Variants in B3GALNT2 observed in about 807,000 individuals in gnomAD.
The protein encoded by B3GALNT2 is beta-1,3-N-acetylgalactosaminyltransferase 2.
A neutral mutation model predicts 61.1 loss-of-function variants in B3GALNT2; 53 were observed. That is an observed-to-expected ratio of 0.87 (90% confidence interval 0.70 to 1.09). The LOEUF (loss-of-function observed/expected upper bound fraction) is 1.09. Among genes scored for constraint, B3GALNT2 ranks in the 50% least tolerant of loss-of-function variants. The pLI is 0.00. For missense variants in B3GALNT2, 544 were observed against 623.0 expected, an observed-to-expected ratio of 0.87 and a Z score of 1.35; for synonymous variants, 223 against 237.4, an observed-to-expected ratio of 0.94 and a Z score of 0.56.
At position 235,478,660 on chromosome 1, in the gene B3GALNT2, A is replaced by C. The variant is rs558700253; in HGVS notation, c.651+1394T>G. Among the ~76,000 whole-genome samples the C allele has an allele frequency of 1.7e-3, 258 of 152,342 alleles. 6 individuals are homozygous for C. Among genetic ancestry groups the C allele is most frequent in the African/African-American group, 4.5e-3 (185 of 41,572 alleles). Reference sequence around the variant, plus strand: ...AACACCGAAAAATTGAAACTCTATCAACACCCAAATACAGAGTTAAATGAC... The same window carrying C: ...AACACCGAAAAATTGAAACTCTATCCACACCCAAATACAGAGTTAAATGAC... On this transcript the variant is annotated intron_variant, in intron 5 of 11. Coordinates refer to ENST00000366600, the MANE Select transcript of B3GALNT2 (RefSeq NM_152490.5).
At chr1:235,468,830 G>A (rs1213983709) in intron 6 of B3GALNT2, among the ~76,000 whole-genome samples, 1 of 152,128 alleles carries the variant, frequency 6.6e-6, no homozygotes, top group African/African-American at 2.4e-5. Flanking sequence ...AATAGAAAAG[G>A]AGGCAAGATA....
At chr1:235,497,990 A>G (rs192196305) in intron 1 of B3GALNT2, among the ~76,000 whole-genome samples, 34 of 152,170 alleles carry the variant, frequency 2.2e-4, no homozygotes, top group African/African-American at 8.0e-4. Context: ...TTTACTTTAC[A>G]TGCATTTCTC....
rs1682802846 is a variant in B3GALNT2 at position 235,450,138 on chromosome 1, T to G, written c.*68A>C. On this transcript the variant is annotated 3_prime_UTR_variant, in exon 12 of 12. Coordinates refer to ENST00000366600, the MANE Select transcript of B3GALNT2 (RefSeq NM_152490.5). The stretch of plus-strand genomic sequence containing the variant: ...ACAGTCTACTGCTAAACCCTGGGAC[T>G]CCTCAGACTTGCACTCAGATTATCG... The G allele has an allele frequency of 1.0e-5, 16 of 1,574,656 alleles. No individual in the cohort carries two copies. The South Asian group carries it at 1.1e-4, about 11-fold the overall frequency.
intron 1 of B3GALNT2, among the ~76,000 whole-genome samples, chr1:235,498,917 A>C (rs538216821): frequency 3.3e-4 from 49 of 150,738 alleles, no homozygotes; most frequent in African/African-American, 1.0e-3. Flanking sequence ...AATTTGGTAC[A>C]GTCTTCTGCA....
Position 235,448,906 on chromosome 1 carries a change from T to A in B3GALNT2, c.*1300A>T, listed in dbSNP as rs1682695592. On this transcript the variant is annotated 3_prime_UTR_variant, in exon 12 of 12. Transcript: ENST00000366600. The stretch of plus-strand genomic sequence containing the variant: ...AGTATAACAAGGGATGTATTTTTTG[T>A]TGGGAAGTGACCATTTCTAGGCTTA... 1.4e-6 allele frequency: 1 copy of A among 692,066 alleles called. No homozygotes were observed. Among genetic ancestry groups the A allele is most frequent in the African/African-American group, 1.8e-5 (1 of 56,548 alleles). The allele number at this position is 692,066 out of a possible 1,614,324, so 42.9% of individuals were successfully genotyped here.
In B3GALNT2 at chr1:235,447,492, G is replaced by C. The variant is rs1682446721; in HGVS notation, c.*2714C>G. On this transcript the variant is annotated 3_prime_UTR_variant, in exon 12 of 12. Transcript: ENST00000366600. ...GGAAGTTACATTCCCATGCCTGGCA[G>C]TCACTTGTGTATGTTTAATACAGTT... 6.6e-6 allele frequency among the ~76,000 whole-genome samples: 1 copy of C among 152,162 alleles called. No homozygotes were observed. The highest frequency in any genetic ancestry group is 2.1e-4 in the South Asian group (1 of 4,796).
chr1:235,471,054 TC>T (rs1421556460), intron 5 of B3GALNT2, 94 bp from the exon 6 acceptor site: 3 of 1,544,906 alleles, frequency 1.9e-6, no homozygotes, highest in African/African-American at 2.8e-5. Flanking sequence ...AGAAAATTTT[TC>T]CCAAAACGTA....
In B3GALNT2 at chr1:235,489,186, G is replaced by C. The variant is rs556698466; in HGVS notation, c.343C>G (p.Leu115Val). 1 of 1,613,954 alleles carries C rather than the reference G, an allele frequency of 6.2e-7. No homozygotes were observed. Among genetic ancestry groups the C allele is most frequent in the South Asian group, 1.1e-5 (1 of 91,058 alleles). Reference protein sequence around the residue: ...DREDPYSCKLLNITNPVLNQE... With the variant: ...DREDPYSCKLVNITNPVLNQE... Reference sequence around the variant, plus strand: ...GACTTACCTGGATTTGTGATGTTGAGTAGTTTACAGGAATAAGGATCCTCC... The same window carrying C: ...GACTTACCTGGATTTGTGATGTTGACTAGTTTACAGGAATAAGGATCCTCC... Residue 115 changes from leucine (L) to valine (V), a missense_variant, in exon 3 of 12, where the codon CTC becomes GTC. By Grantham distance (32) the Leu-to-Val change is conservative. Transcript: ENST00000366600.
At chr1:235,450,464 G>C in intron 11 of B3GALNT2, 124 bp from the exon 12 acceptor site, 5 of 1,236,304 alleles carry the variant, frequency 4.0e-6, no homozygotes, top group Admixed American at 2.1e-5. Context: ...GGATAACTCC[G>C]TGTGTGGAAC....
intron 11 of B3GALNT2, among the ~76,000 whole-genome samples, chr1:235,452,659 C>T (rs990418710): frequency 6.6e-6 from 1 of 152,102 alleles, no homozygotes; most frequent in African/African-American, 2.4e-5. Context: ...AGTTGATCCT[C>T]CTACCTTAGC....
intron 7 of B3GALNT2, chr1:235,464,093 C>G (rs1031581413): frequency 3.3e-5 from 5 of 152,142 alleles, no homozygotes; most frequent in African/African-American, 1.2e-4. Flanking sequence ...GAACATGGAT[C>G]CAAGACCTAC....
At position 235,504,317 on chromosome 1, in the gene B3GALNT2, G is replaced by T. The variant is rs987846381; in HGVS notation, c.-65C>A. The T allele has an allele frequency of 6.2e-6, 9 of 1,450,802 alleles. No individual in the cohort carries two copies. The African/African-American group carries it at 1.3e-4, about 22-fold the overall frequency. The allele number at this position is 1,450,802 out of a possible 1,614,324, so 89.9% of individuals were successfully genotyped here. On this transcript the variant is annotated 5_prime_UTR_variant, in exon 1 of 12. Transcript: ENST00000366600. ...GCGGAGAGGGAGGGGACCTGCAAGTGCGGAGACTGAGGGGCGGCGGCTGAC... is the reference window on the plus strand; with the variant it reads ...GCGGAGAGGGAGGGGACCTGCAAGTTCGGAGACTGAGGGGCGGCGGCTGAC...
At chr1:235,480,032 G>A (rs373881198) in intron 5 of B3GALNT2, 22 bp downstream of exon 5, 101 of 1,613,136 alleles carry the variant, frequency 6.3e-5, no homozygotes, top group Non-Finnish European at 8.0e-5. Context: ...TGGTACTACA[G>A]TCTTTTCCTG....
At chr1:235,495,856 T>G (rs542120351) in intron 1 of B3GALNT2, among the ~76,000 whole-genome samples, 1 of 152,204 alleles carries the variant, frequency 6.6e-6, no homozygotes, top group Non-Finnish European at 1.5e-5. Flanking sequence ...CCATGGGATC[T>G]AGGTATTCAG....
intron 10 of B3GALNT2, 28 bp downstream of exon 10, chr1:235,454,128 C>A (rs1320645533): frequency 6.4e-7 from 1 of 1,560,562 alleles, no homozygotes. Context: ...CAAGAGCCAC[C>A]ACGCCAAGCT....
At chr1:235,480,622 G>A (rs1684513298) in intron 4 of B3GALNT2, among the ~76,000 whole-genome samples, 1 of 151,818 alleles carries the variant, frequency 6.6e-6, no homozygotes, top group East Asian at 1.9e-4. Context: ...AAGAGGACTG[G>A]AGCCAGGTGC....
At chr1:235,465,806 C>A in intron 6 of B3GALNT2, 92 bp from the exon 7 acceptor site, 1 of 1,438,644 alleles carries the variant, frequency 7.0e-7, no homozygotes, top group Non-Finnish European at 9.6e-7. Flanking sequence ...TAATATGACT[C>A]CACTTGCAGC....
downstream of B3GALNT2, among the ~76,000 whole-genome samples, chr1:235,443,185 C>CATATATAT (rs1553340612): frequency 3.6e-5 from 5 of 139,746 alleles, no homozygotes; most frequent in African/African-American, 1.2e-4. Context: ...CACACACACA[C>CATATATAT]ATATATATAT....
chr1:235,504,357 A>G lies in B3GALNT2; in HGVS notation c.-105T>C. ...CGGCGGCTGACGAGCGACCACTCCG[A>G]GCACGCCCGCCCTCGCGCTCGGCGA... is the stretch of plus-strand genomic sequence containing the variant. On this transcript the variant is annotated 5_prime_UTR_variant, in exon 1 of 12. Transcript: ENST00000366600. 5 of 1,291,814 alleles carry G rather than the reference A, an allele frequency of 3.9e-6. No homozygotes were observed. Among genetic ancestry groups the G allele is most frequent in the Non-Finnish European group, 5.1e-6 (5 of 980,232 alleles). 80.0% of individuals were successfully genotyped at this position (1,291,814 alleles called of 1,614,324 possible). A position where few individuals can be genotyped will look rare whatever the true frequency, so the allele number is the denominator to read the frequency against.
Sources: allele counts gnomAD v4.1 joint callset (sites outside exome capture counted in the v4.1 genomes callset), GRCh38; gene constraint gnomAD v4.1.1; transcripts MANE v1.5; gene names NCBI Gene and HGNC (gene_info 2026-07-23, HGNC 2026-07-21).